STK10: variants seen among roughly 807,000 people sequenced by gnomAD.
STK10 encodes the protein serine/threonine kinase 10.
In STK10, 78 loss-of-function variants were observed where a neutral mutation model predicts 113.8. The ratio of observed to expected loss-of-function variants is 0.69; its 90% CI spans 0.57 to 0.83. STK10 has a LOEUF of 0.83. Ranked by LOEUF, STK10 falls within the 40% of genes least tolerant of loss-of-function variation. The probability of loss-of-function intolerance (pLI) is 0.00; values close to 1 mark genes in which losing one functional copy is unlikely to be tolerated. For missense variants in STK10, 1,109 were observed against 1,280.1 expected, an observed-to-expected ratio of 0.87 and a Z score of 2.04; for synonymous variants, 465 against 494.7, an observed-to-expected ratio of 0.94 and a Z score of 0.80.
chr5:172,100,875 T>C (rs1341147519), intron 7 of STK10, among the ~76,000 whole-genome samples: 1 of 152,178 alleles, frequency 6.6e-6, no homozygotes, highest in East Asian at 1.9e-4. Context: ...TCCCTTCTGG[T>C]CTTCTTCCCT....
At chr5:172,072,747 T>A (rs1768224277) in intron 12 of STK10, among the ~76,000 whole-genome samples, 1 of 152,080 alleles carries the variant, frequency 6.6e-6, no homozygotes, top group South Asian at 2.1e-4. Context: ...CTATTCAACA[T>A]CCTACTGGAG....
chr5:172,104,570 C>CG (rs35702854), intron 7 of STK10, among the ~76,000 whole-genome samples: 15,181 of 152,192 alleles, frequency 0.1, 866 homozygotes, highest in East Asian at 0.13. Flanking sequence ...AAATGGATGT[C>CG]GATGCTGTGT....
At chr5:172,169,645 G>A (rs572731913) in intron 1 of STK10, among the ~76,000 whole-genome samples, 1 of 152,224 alleles carries the variant, frequency 6.6e-6, no homozygotes, top group East Asian at 1.9e-4. Context: ...CCAGGGAGTA[G>A]ACAATTATCA....
At chr5:172,078,132 G>A (rs1199287841) in intron 12 of STK10, among the ~76,000 whole-genome samples, 1 of 152,188 alleles carries the variant, frequency 6.6e-6, no homozygotes. Context: ...CCCTCACAGA[G>A]GTGACCTTTG....
chr5:172,181,444 GC>G (rs1200400994), intron 1 of STK10, among the ~76,000 whole-genome samples: 2 of 151,558 alleles, frequency 1.3e-5, no homozygotes, highest in African/African-American at 4.8e-5. Flanking sequence ...TACGTAAAGC[GC>G]CTAGCACAGT....
chr5:172,133,100 A>G lies in STK10; in HGVS notation c.322-5679T>C, dbSNP rs1386486459. 2.0e-5 allele frequency among the ~76,000 whole-genome samples: 3 copies of G among 152,186 alleles called. No individual in the cohort carries two copies. Among genetic ancestry groups the G allele is most frequent in the Non-Finnish European group, 4.4e-5 (3 of 68,022 alleles). ...GAAGCGGGTAATGGCGGAGCATTCC[A>G]TGGGGTTCCAAAGGATGGGAATCCA... On this transcript the variant is annotated intron_variant, in intron 2 of 18. Coordinates refer to ENST00000176763, the MANE Select transcript of STK10 (RefSeq NM_005990.4). The surrounding 1 kb of genome is among the most constrained non-coding windows in gnomAD (Gnocchi z 4.9).
At position 172,120,391 on chromosome 5, in the gene STK10, A is replaced by G. The variant is rs1769485911; in HGVS notation, c.371-2761T>C. On this transcript the variant is annotated intron_variant, in intron 3 of 18. Coordinates refer to ENST00000176763, the MANE Select transcript of STK10 (RefSeq NM_005990.4). The surrounding 1 kb of genome is among the most constrained non-coding windows in gnomAD (Gnocchi z 4.0). ...CAGGTACCAACTGCCCTGCTCTGGG[A>G]AGCCAGGCCCCAGACCAGGGCTCCT... is the stretch of plus-strand genomic sequence containing the variant. Among the ~76,000 whole-genome samples, 1 of 152,152 alleles carries G rather than the reference A, an allele frequency of 6.6e-6. No individual in the cohort carries two copies. The highest frequency in any genetic ancestry group is 2.4e-5 in the African/African-American group (1 of 41,438).
intron 17 of STK10, among the ~76,000 whole-genome samples, chr5:172,053,585 CA>C (rs1767679628): frequency 6.6e-6 from 1 of 152,230 alleles, no homozygotes; most frequent in Non-Finnish European, 1.5e-5. Context: ...ATCTGCTTTA[CA>C]AAATGTAAAT....
intron 12 of STK10, among the ~76,000 whole-genome samples, chr5:172,071,212 CAAAAAAAAAAAAAA>C (rs369407918): frequency 1.1e-4 from 3 of 26,598 alleles, no homozygotes; most frequent in African/African-American, 2.1e-4. Context: ...CTCTCTATCT[CAAAAAAAAAAAAAA>C]AAAAAAAAAA....
chr5:172,070,290 T>C (rs567038612), intron 12 of STK10, among the ~76,000 whole-genome samples: 2 of 150,934 alleles, frequency 1.3e-5, no homozygotes, highest in Non-Finnish European at 2.9e-5. Context: ...TATATATATA[T>C]GTTATTTGAT....
intron 12 of STK10, among the ~76,000 whole-genome samples, chr5:172,071,212 C>CAAAAAAAAAAAAAAA (rs369407918): frequency 7.5e-5 from 2 of 26,596 alleles, no homozygotes; most frequent in African/African-American, 2.1e-4. Flanking sequence ...CTCTCTATCT[C>CAAAAAAAAAAAAAAA]AAAAAAAAAA....
At chr5:172,139,723 T>G (rs1181135197) in intron 2 of STK10, among the ~76,000 whole-genome samples, 1 of 151,598 alleles carries the variant, frequency 6.6e-6, no homozygotes, top group Non-Finnish European at 1.5e-5. Flanking sequence ...AGTGAAGTGT[T>G]AAACTTAAAA....
chr5:172,046,760 C>T (rs28547195), intron 18 of STK10, among the ~76,000 whole-genome samples: 13,330 of 152,208 alleles, frequency 0.088, 1,953 homozygotes, highest in African/African-American at 0.3. Flanking sequence ...CACTGTAGTA[C>T]AAAATCAGCC....
At chr5:172,071,212 C>CAAAAAAAAAAAAAAAAAA (rs369407918) in intron 12 of STK10, among the ~76,000 whole-genome samples, 1 of 26,580 alleles carries the variant, frequency 3.8e-5, no homozygotes, top group African/African-American at 1.0e-4. Flanking sequence ...CTCTCTATCT[C>CAAAAAAAAAAAAAAAAAA]AAAAAAAAAA....
chr5:172,112,324 C>T (rs1004003554), intron 4 of STK10, among the ~76,000 whole-genome samples: 1 of 151,980 alleles, frequency 6.6e-6, no homozygotes, highest in Non-Finnish European at 1.5e-5. Flanking sequence ...TACACACACA[C>T]ACACACCGGT....
Position 172,143,381 on chromosome 5 carries a change from A to G in STK10, c.321+13243T>C, listed in dbSNP as rs185634167. Among the ~76,000 whole-genome samples the G allele has an allele frequency of 3.9e-5, 6 of 152,300 alleles. No individual in the cohort carries two copies. In the East Asian group the frequency reaches 9.7e-4, roughly 25 times the overall value. Reference sequence around the variant, plus strand: ...CACTGTCTCAAAAACAAAACAAAAAAAAAGAAAGAAAGAAAATTAAGGCAC... The same window carrying G: ...CACTGTCTCAAAAACAAAACAAAAAGAAAGAAAGAAAGAAAATTAAGGCAC... On this transcript the variant is annotated intron_variant, in intron 2 of 18. Coordinates refer to ENST00000176763, the MANE Select transcript of STK10 (RefSeq NM_005990.4).
intron 1 of STK10, among the ~76,000 whole-genome samples, chr5:172,181,685 T>C (rs188084287): frequency 0.012 from 1,853 of 151,036 alleles, 27 homozygotes; most frequent in Non-Finnish European, 0.018. Context: ...GGTTTTGCCA[T>C]GTTGGCCAGG....
At chr5:172,094,666 G>A (rs1233120546) in intron 8 of STK10, among the ~76,000 whole-genome samples, 1 of 152,168 alleles carries the variant, frequency 6.6e-6, no homozygotes, top group Non-Finnish European at 1.5e-5. Flanking sequence ...TTAGAGGTGT[G>A]TGCCACCGCA....
At chr5:172,102,386 G>C in intron 7 of STK10, among the ~76,000 whole-genome samples, 1 of 152,156 alleles carries the variant, frequency 6.6e-6, no homozygotes, top group East Asian at 1.9e-4. Context: ...GGAGCACGTC[G>C]GCGAAAAGAT....
Sources: allele counts gnomAD v4.1 joint callset (sites outside exome capture counted in the v4.1 genomes callset), GRCh38; gene constraint gnomAD v4.1.1; non-coding constraint Gnocchi (gnomAD v3.1); transcripts MANE v1.5; gene names NCBI Gene and HGNC (gene_info 2026-07-23, HGNC 2026-07-21).